Variants in RALGPS2 observed in about 807,000 individuals in gnomAD.
The protein encoded by RALGPS2 is ras-specific guanine nucleotide-releasing factor RalGPS2.
In RALGPS2, 43 loss-of-function variants were observed where a neutral mutation model predicts 86.8. The ratio of observed to expected loss-of-function variants is 0.50; its 90% confidence interval spans 0.39 to 0.64. RALGPS2 has a LOEUF of 0.64. Ranked by LOEUF, RALGPS2 falls within the 30% of genes least tolerant of loss-of-function variation. The probability of loss-of-function intolerance (pLI) is 0.00; values close to 1 mark genes in which losing one functional copy is unlikely to be tolerated. For missense variants in RALGPS2, 536 were observed against 694.6 expected (o/e 0.77, Z 2.57); for synonymous variants, 243 against 231.3 (o/e 1.05, Z -0.46).
intron 4 of RALGPS2, among the ~76,000 whole-genome samples, chr1:178,806,405 GT>G (rs1441627468): frequency 6.6e-6 from 1 of 152,028 alleles, no homozygotes; most frequent in African/African-American, 2.4e-5. Context: ...CATATGTGCT[GT>G]TTTTTGTTGT....
intron 7 of RALGPS2, among the ~76,000 whole-genome samples, chr1:178,830,886 C>T (rs547177651): frequency 3.3e-5 from 5 of 152,042 alleles, no homozygotes; most frequent in Admixed American, 1.3e-4. Context: ...GCATCCAGAA[C>T]TCTTAACAAC....
At chr1:178,787,569 A>G (rs1245941324) in intron 4 of RALGPS2, among the ~76,000 whole-genome samples, 1 of 152,144 alleles carries the variant, frequency 6.6e-6, no homozygotes, top group Non-Finnish European at 1.5e-5. Flanking sequence ...ATTGGTGGCT[A>G]GGAGCTTGGA....
intron 8 of RALGPS2, among the ~76,000 whole-genome samples, chr1:178,843,665 A>AG (rs999501842): frequency 3.3e-5 from 5 of 151,586 alleles, no homozygotes; most frequent in African/African-American, 1.2e-4. Flanking sequence ...AAAAAAAAAA[A>AG]AAGAAAGAAA....
At chr1:178,833,311 A>T (rs536567711) in intron 7 of RALGPS2, 113 bp from the exon 8 acceptor site, 1 of 1,002,868 alleles carries the variant, frequency 1.0e-6, no homozygotes, top group African/African-American at 1.7e-5. Context: ...ATTAAAGAAG[A>T]TATAACTTTG....
intron 7 of RALGPS2, among the ~76,000 whole-genome samples, chr1:178,828,594 TA>T (rs1266907101): frequency 1.3e-5 from 2 of 152,090 alleles, no homozygotes; most frequent in African/African-American, 4.8e-5. Flanking sequence ...ACAACCCAAT[TA>T]AAAAATGGGC....
intron 14 of RALGPS2, among the ~76,000 whole-genome samples, chr1:178,890,850 C>T (rs922699833): frequency 6.6e-6 from 1 of 151,792 alleles, no homozygotes; most frequent in Non-Finnish European, 1.5e-5. Context: ...TTTCTTGCAA[C>T]CTTTACTTCT....
intron 4 of RALGPS2, among the ~76,000 whole-genome samples, chr1:178,795,916 CAATT>C: frequency 6.6e-6 from 1 of 152,110 alleles, no homozygotes; most frequent in Non-Finnish European, 1.5e-5. Flanking sequence ...AAAATATAAA[CAATT>C]AATAAATATA....
At chr1:178,884,493 A>G (rs966770249) in intron 11 of RALGPS2, among the ~76,000 whole-genome samples, 3 of 152,210 alleles carry the variant, frequency 2.0e-5, no homozygotes, top group African/African-American at 7.2e-5. Context: ...GAAACAAACC[A>G]TGACAATGTC....
Position 178,776,855 on chromosome 1 carries a change from C to T in RALGPS2, c.57+34C>T, listed in dbSNP as rs536847783. On this transcript the variant is annotated intron_variant, in intron 2 of 19. Coordinates refer to ENST00000367635, the MANE Select transcript of RALGPS2 (RefSeq NM_152663.5). ...TTTAAGAAGCTTGGGTGTAAAGTTT[C>T]TTACCTGGCTTTCTAATTTTTCAAG... 27 of 1,560,266 alleles carry T rather than the reference C, an allele frequency of 1.7e-5. No homozygotes were observed. The South Asian group carries it at 2.7e-4, about 16-fold the overall frequency.
chr1:178,732,368 G>C (rs182427327), intron 1 of RALGPS2, among the ~76,000 whole-genome samples: 1 of 151,890 alleles, frequency 6.6e-6, no homozygotes, highest in Non-Finnish European at 1.5e-5. Flanking sequence ...GCGCGATCTC[G>C]GCTCACTGCA....
intron 3 of RALGPS2, among the ~76,000 whole-genome samples, chr1:178,785,135 T>G (rs1372654227): frequency 6.6e-6 from 1 of 152,050 alleles, no homozygotes; most frequent in Non-Finnish European, 1.5e-5. Flanking sequence ...CTCTTAGATA[T>G]AATGTTGGCT....
chr1:178,904,276 G>A (rs1170315606), intron 18 of RALGPS2, among the ~76,000 whole-genome samples: 2 of 152,174 alleles, frequency 1.3e-5, no homozygotes, highest in African/African-American at 4.8e-5. Flanking sequence ...TATAGATTGT[G>A]AAGATTTTCT....
chr1:178,742,806 A>G (rs911595850), intron 1 of RALGPS2, among the ~76,000 whole-genome samples: 3 of 152,210 alleles, frequency 2.0e-5, no homozygotes, highest in Admixed American at 1.3e-4. Flanking sequence ...AAAATGGGGG[A>G]AAATCTGGTC....
Position 178,909,532 on chromosome 1 carries a change from A to G in RALGPS2, c.1722+2665A>G, listed in dbSNP as rs534662170. Among the ~76,000 whole-genome samples, 3 of 151,934 alleles carry G rather than the reference A, an allele frequency of 2.0e-5. No homozygotes were observed. The East Asian group carries it at 5.8e-4, about 29-fold the overall frequency. ...CTGTAGGTTGGTTTGGACAATATGG[A>G]CATTTAACAGTATTGATTCTTCCAA... On this transcript the variant is annotated intron_variant, in intron 19 of 19. Coordinates refer to ENST00000367635, the MANE Select transcript of RALGPS2 (RefSeq NM_152663.5).
At chr1:178,830,216 C>G (rs888196047) in intron 7 of RALGPS2, among the ~76,000 whole-genome samples, 2 of 151,896 alleles carry the variant, frequency 1.3e-5, no homozygotes, top group Non-Finnish European at 2.9e-5. Flanking sequence ...CAGTTATACC[C>G]CAGTACTGCT....
At chr1:178,725,462 A>AGGGAGGGG in intron 1 of RALGPS2, 43 bp downstream of exon 1, 1 of 4,518 alleles carries the variant, frequency 2.2e-4, no homozygotes, top group Admixed American at 2.1e-3. Flanking sequence ...GGAGGGAGGG[A>AGGGAGGGG]GGGAGGGTGG....
intron 8 of RALGPS2, chr1:178,865,604 T>G (rs762034137): frequency 6.2e-7 from 1 of 1,614,060 alleles, no homozygotes; most frequent in Admixed American, 1.7e-5. Context: ...TGTTATTCTT[T>G]GTTCAGGTAC....
intron 17 of RALGPS2, 35 bp from the exon 18 acceptor site, chr1:178,902,071 T>A (rs1387955860): frequency 1.3e-6 from 2 of 1,508,486 alleles, no homozygotes; most frequent in South Asian, 2.3e-5. Flanking sequence ...AACCATAAAT[T>A]TTCTGTTTCC....
chr1:178,915,017 A>G (rs1660757815), intron 19 of RALGPS2, among the ~76,000 whole-genome samples: 1 of 152,122 alleles, frequency 6.6e-6, no homozygotes, highest in African/African-American at 2.4e-5. Flanking sequence ...TAAAGGTTCA[A>G]TTTCTTTTAC....
Sources: allele counts gnomAD v4.1 joint callset (sites outside exome capture counted in the v4.1 genomes callset), GRCh38; gene constraint gnomAD v4.1.1; transcripts MANE v1.5; gene names NCBI Gene and HGNC (gene_info 2026-07-23, HGNC 2026-07-21).